TENM2: variants seen among roughly 807,000 people sequenced by gnomAD.
The protein encoded by TENM2 is teneurin-2.
TENM2 carries 52 observed loss-of-function variants against 245.2 expected under a neutral mutation model. That is an observed-to-expected ratio of 0.21 (90% confidence interval 0.17 to 0.27). TENM2 has a LOEUF of 0.27. Ranked by LOEUF, TENM2 falls within the 10% of genes least tolerant of loss-of-function variation. The probability of loss-of-function intolerance (pLI) is 1.00; values close to 1 mark genes in which losing one functional copy is unlikely to be tolerated. For missense variants in TENM2, 3,046 were observed against 3,666.8 expected, an observed-to-expected ratio of 0.83 and a Z score of 4.37; for synonymous variants, 1,363 against 1,438.9, an observed-to-expected ratio of 0.95 and a Z score of 1.19.
intron 3 of TENM2, chr5:167,937,776 C>G (rs1251110267): frequency 6.6e-6 from 1 of 152,070 alleles, no homozygotes; most frequent in Non-Finnish European, 1.5e-5. Context: ...TTGTTTCATC[C>G]ATGGAATTGG....
At chr5:167,620,858 C>A (rs1184330940) in intron 2 of TENM2, among the ~76,000 whole-genome samples, 1 of 152,010 alleles carries the variant, frequency 6.6e-6, no homozygotes, top group African/African-American at 2.4e-5. Flanking sequence ...AATAACAAAC[C>A]CAGTTCCTTG....
chr5:167,943,647 T>C (rs901592371), intron 3 of TENM2, among the ~76,000 whole-genome samples: 4 of 152,188 alleles, frequency 2.6e-5, no homozygotes, highest in African/African-American at 7.2e-5. Flanking sequence ...TTTGATGCAA[T>C]TCTCTGCCTG....
the TENM2 span, among the ~76,000 whole-genome samples, chr5:167,116,117 A>G: frequency 6.6e-6 from 1 of 152,244 alleles, no homozygotes; most frequent in African/African-American, 2.4e-5. Flanking sequence ...AGCAGATGCC[A>G]AAATGGGATT....
chr5:167,947,522 C>T (rs1455303344), intron 3 of TENM2, among the ~76,000 whole-genome samples: 1 of 152,202 alleles, frequency 6.6e-6, no homozygotes, highest in Non-Finnish European at 1.5e-5. Flanking sequence ...CTGCAACAGA[C>T]TCTGTCCTCC....
chr5:167,670,025 A>G (rs1419502517), intron 2 of TENM2, among the ~76,000 whole-genome samples: 1 of 152,178 alleles, frequency 6.6e-6, no homozygotes, highest in African/African-American at 2.4e-5. Context: ...AAAGGAAGGT[A>G]ATACCCTCAG....
intron 2 of TENM2, among the ~76,000 whole-genome samples, chr5:167,455,872 A>C (rs1765891283): frequency 6.6e-6 from 1 of 152,158 alleles, no homozygotes; most frequent in Non-Finnish European, 1.5e-5. Flanking sequence ...ATTTATTACA[A>C]ATCAATTTCA....
the TENM2 span, among the ~76,000 whole-genome samples, chr5:167,104,744 G>T: frequency 6.6e-6 from 1 of 152,070 alleles, no homozygotes; most frequent in Non-Finnish European, 1.5e-5. Context: ...ATATACCTTG[G>T]CTAGAATCCA....
chr5:167,028,348 T>G, the TENM2 span, among the ~76,000 whole-genome samples: 8 of 152,094 alleles, frequency 5.3e-5, no homozygotes, highest in Admixed American at 1.3e-4. Flanking sequence ...TTGAAATGAA[T>G]CCCTAGTATT....
chr5:167,707,629 C>T (rs1466013829), intron 2 of TENM2, among the ~76,000 whole-genome samples: 7 of 152,084 alleles, frequency 4.6e-5, no homozygotes, highest in African/African-American at 2.4e-5. Flanking sequence ...TGAAAATGCA[C>T]CAACAAAAAC....
intron 2 of TENM2, among the ~76,000 whole-genome samples, chr5:167,720,422 T>C (rs1425107525): frequency 6.6e-6 from 1 of 152,198 alleles, no homozygotes; most frequent in Admixed American, 6.5e-5. Flanking sequence ...ATACTTCCCT[T>C]CTACCATCTG....
intron 2 of TENM2, among the ~76,000 whole-genome samples, chr5:167,713,682 AT>A (rs1300412147): frequency 6.6e-5 from 10 of 151,750 alleles, no homozygotes; most frequent in African/African-American, 2.2e-4. Context: ...TTATACACAT[AT>A]GCACACAATT....
intron 2 of TENM2, among the ~76,000 whole-genome samples, chr5:167,807,982 A>G (rs1766353993): frequency 6.6e-6 from 1 of 152,138 alleles, no homozygotes; most frequent in African/African-American, 2.4e-5. Flanking sequence ...AGCAAACACT[A>G]CTAATCTGAA....
intron 4 of TENM2, among the ~76,000 whole-genome samples, chr5:167,954,000 A>G (rs1780330668): frequency 6.6e-6 from 1 of 152,194 alleles, no homozygotes; most frequent in African/African-American, 2.4e-5. Flanking sequence ...CTTTATTAAG[A>G]GAAACTAAAA....
chr5:167,926,755 CACACACACAA>C (rs1307642718), intron 3 of TENM2, among the ~76,000 whole-genome samples: 110 of 149,148 alleles, frequency 7.4e-4, no homozygotes, highest in African/African-American at 2.7e-3. Context: ...CACACACACA[CACACACACAA>C]GACCTTAGTG....
At chr5:167,096,773 G>A in the TENM2 span, among the ~76,000 whole-genome samples, 4 of 152,194 alleles carry the variant, frequency 2.6e-5, no homozygotes, top group Admixed American at 1.3e-4. Flanking sequence ...ACTGAGTGAT[G>A]TGGAGAAAAT....
In TENM2 at chr5:167,302,111, T is replaced by C. The variant is rs372184612; in HGVS notation, c.226+17048T>C. 3.3e-4 allele frequency among the ~76,000 whole-genome samples: 50 copies of C among 152,162 alleles called. 1 individual carries two copies. In the South Asian group the frequency reaches 0.01, roughly 31 times the overall value. On this transcript the variant is annotated intron_variant, in intron 1 of 28. Coordinates refer to ENST00000518659, the Ensembl canonical transcript of TENM2. ...GGAACAGAGACTATGGAGGGACTGA[T>C]GTGTAAAAGAATGCCTGGACATCAG...
the TENM2 span, among the ~76,000 whole-genome samples, chr5:167,268,893 G>GATAA: frequency 3.3e-5 from 5 of 149,872 alleles, no homozygotes; most frequent in East Asian, 5.9e-4. Flanking sequence ...TAGATAGATA[G>GATAA]ATAGATAGAT....
intron 2 of TENM2, among the ~76,000 whole-genome samples, chr5:167,560,062 A>G (rs1341390457): frequency 6.6e-6 from 1 of 151,852 alleles, no homozygotes; most frequent in African/African-American, 2.4e-5. Context: ...TCTCAAATGC[A>G]TGGAAGCTAC....
At chr5:167,985,832 A>T (rs190494818) in intron 4 of TENM2, among the ~76,000 whole-genome samples, 61 of 152,350 alleles carry the variant, frequency 4.0e-4, no homozygotes, top group Admixed American at 1.8e-3. Flanking sequence ...AAGGTTAATG[A>T]CTAAGTTTAC....
Sources: gnomAD v4.1 joint callset for allele counts (sites outside exome capture counted in the v4.1 genomes callset) on GRCh38, gnomAD v4.1.1 for gene constraint, MANE v1.5 for transcripts, NCBI Gene and HGNC (gene_info 2026-07-23, HGNC 2026-07-21) for gene names.